The following FAAH2 variants were observed in gnomAD, a reference collection of about 807,000 sequenced individuals.
The protein encoded by FAAH2 is fatty-acid amide hydrolase 2.
A neutral mutation model predicts 36.9 loss-of-function variants in FAAH2; 60 were observed. The observed-to-expected ratio is 1.63, with a 90% CI of 1.32 to 2.02. The LOEUF (loss-of-function observed/expected upper bound fraction) is 2.02, where lower values mean the gene tolerates loss of function less well. FAAH2 is among the 30% of genes most tolerant of loss of function. The pLI is 0.00. For synonymous variants in FAAH2, 214 were observed against 143.8 expected (o/e 1.49, Z -3.49); for missense variants, 689 against 397.5 (o/e 1.73, Z -6.23).
chrX:57,302,073 G>T (rs1419805767), intron 2 of FAAH2, among the ~76,000 whole-genome samples: 1 of 111,639 alleles, frequency 9.0e-6, no homozygotes, highest in Non-Finnish European at 1.9e-5. Flanking sequence ...CTATTGTCAT[G>T]CATTTCATCC....
chrX:57,419,214 G>T (rs1383935937), intron 7 of FAAH2, among the ~76,000 whole-genome samples: 2 of 111,026 alleles, frequency 1.8e-5, no homozygotes, highest in Non-Finnish European at 3.8e-5. Flanking sequence ...GTGATTTATA[G>T]TCCTTTGGGT....
At chrX:57,472,157 C>T (rs773734389) in intron 10 of FAAH2, among the ~76,000 whole-genome samples, 65 of 111,817 alleles carry the variant, frequency 5.8e-4, no homozygotes, top group African/African-American at 1.6e-3. Flanking sequence ...AAAACCTAGG[C>T]AATACCATTC....
intron 7 of FAAH2, among the ~76,000 whole-genome samples, chrX:57,403,841 C>A (rs1381624904): frequency 3.6e-5 from 4 of 112,328 alleles, no homozygotes; most frequent in Admixed American, 9.4e-5. Context: ...AGATTTAAAT[C>A]CCCTGTTAGG....
chrX:57,198,994 G>A, the FAAH2 span, among the ~76,000 whole-genome samples: 1 of 111,064 alleles, frequency 9.0e-6, no homozygotes, highest in South Asian at 3.9e-4. Flanking sequence ...CTTTCAAAGG[G>A]TCTGGGAATT....
intron 2 of FAAH2, among the ~76,000 whole-genome samples, chrX:57,309,878 C>A (rs770297434): frequency 9.0e-6 from 1 of 111,385 alleles, no homozygotes; most frequent in Non-Finnish European, 1.9e-5. Context: ...TAAATAGTGG[C>A]GCAATGAACA....
At chrX:57,255,887 A>G in the FAAH2 span, among the ~76,000 whole-genome samples, 1 of 111,860 alleles carries the variant, frequency 8.9e-6, no homozygotes, top group Admixed American at 9.5e-5. Flanking sequence ...GCCCTCTCTC[A>G]CCACTCCTAT....
chrX:57,239,000 G>T, the FAAH2 span, among the ~76,000 whole-genome samples: 1 of 112,238 alleles, frequency 8.9e-6, no homozygotes, highest in Non-Finnish European at 1.9e-5. Flanking sequence ...CAACCATGGT[G>T]ATGGGATTAT....
the FAAH2 span, among the ~76,000 whole-genome samples, chrX:57,244,237 G>A: frequency 4.5e-5 from 5 of 110,289 alleles, no homozygotes; most frequent in Admixed American, 9.7e-5. Flanking sequence ...CAAAGTATAT[G>A]GGACCATGTG....
intron 5 of FAAH2, among the ~76,000 whole-genome samples, chrX:57,376,174 T>A (rs1454934686): frequency 1.8e-5 from 2 of 111,719 alleles, no homozygotes; most frequent in African/African-American, 6.5e-5. Flanking sequence ...TTTTCATTCA[T>A]GATACTGATC....
the FAAH2 span, among the ~76,000 whole-genome samples, chrX:57,177,600 A>G: frequency 6.0e-5 from 5 of 83,201 alleles, 1 homozygote; most frequent in African/African-American, 2.3e-4. Context: ...ATATATATAT[A>G]TATATATATA....
At chrX:57,409,200 C>G (rs751237716) in intron 7 of FAAH2, among the ~76,000 whole-genome samples, 10 of 111,615 alleles carry the variant, frequency 9.0e-5, no homozygotes, top group Admixed American at 1.9e-4. Flanking sequence ...TTGACCAAAA[C>G]ATCATATGCA....
At chrX:57,149,672 C>T in the FAAH2 span, among the ~76,000 whole-genome samples, 20 of 110,710 alleles carry the variant, frequency 1.8e-4, no homozygotes, top group East Asian at 2.8e-4. Context: ...GTCTTGCTAG[C>T]GGTCTATCAA....
At chrX:57,268,197 T>C in the FAAH2 span, among the ~76,000 whole-genome samples, 3 of 111,802 alleles carry the variant, frequency 2.7e-5, no homozygotes, top group Non-Finnish European at 3.8e-5. Flanking sequence ...AAAAATTTCA[T>C]AATGCAATCA....
the FAAH2 span, among the ~76,000 whole-genome samples, chrX:57,227,200 G>A: frequency 9.0e-6 from 1 of 110,644 alleles, no homozygotes; most frequent in Non-Finnish European, 1.9e-5. Context: ...TGGTGAACTC[G>A]GGTCGGGGGG....
chrX:57,290,293 G>C, intron 1 of FAAH2: 1 of 750,747 alleles, frequency 1.3e-6, no homozygotes, highest in Non-Finnish European at 1.6e-6. Context: ...CGTTGATGGA[G>C]TGACCAGGTA....
intron 10 of FAAH2, among the ~76,000 whole-genome samples, chrX:57,461,720 C>T (rs761717938): frequency 1.8e-5 from 2 of 109,712 alleles, no homozygotes; most frequent in Admixed American, 2.0e-4. Flanking sequence ...AAATCAACAC[C>T]CTAACATCAC....
At chrX:57,149,015 A>G in the FAAH2 span, among the ~76,000 whole-genome samples, 1 of 111,996 alleles carries the variant, frequency 8.9e-6, no homozygotes, top group African/African-American at 3.2e-5. Flanking sequence ...TATTGAGATA[A>G]TCATGTGGTT....
rs760161926 is a variant in FAAH2, at chrX:57,448,602, G to C, written c.1307G>C (p.Arg436Pro). The change falls in exon 10 of 11, where the codon CGT (arginine) becomes CCT (proline). Residue 436 changes from arginine (R) to proline (P), a missense_variant. Physicochemically the swap from Arg to Pro is moderately radical, Grantham distance 103 (BLOSUM62 -2). Transcript: ENST00000374900. ...QKFKAVEESL[R>P]KELVDMLGDD... ...TTTAAGGCAGTGGAAGAAAGCCTGC[G>C]TAAAGAGCTGGTGGATATGCTAGGT... 8.3e-7 allele frequency: 1 copy of C among 1,211,398 alleles called. No individual in the cohort carries two copies. Among genetic ancestry groups the C allele is most frequent in the East Asian group, 3.0e-5 (1 of 33,785 alleles).
intron 5 of FAAH2, among the ~76,000 whole-genome samples, chrX:57,362,044 C>T (rs1466137455): frequency 9.0e-6 from 1 of 111,358 alleles, no homozygotes; most frequent in East Asian, 2.8e-4. Flanking sequence ...TTATTTGCTC[C>T]ATCTTACCGA....
Sources: allele counts gnomAD v4.1 joint callset (sites outside exome capture counted in the v4.1 genomes callset), GRCh38; gene constraint gnomAD v4.1.1; transcripts MANE v1.5; gene names NCBI Gene and HGNC (gene_info 2026-07-23, HGNC 2026-07-21).